GALNT14: variants seen among roughly 807,000 people sequenced by gnomAD.
GALNT14 encodes the protein polypeptide N-acetylgalactosaminyltransferase 14, also known as UDP-GalNAc:polypeptide N-acetylgalactosaminyltransferase 14.
In GALNT14, 60 loss-of-function variants were observed where a neutral mutation model predicts 77.5. That is an observed-to-expected ratio of 0.77 (90% confidence interval 0.63 to 0.96). GALNT14 has a LOEUF of 0.96. Among genes scored for constraint, GALNT14 ranks in the 40% least tolerant of loss-of-function variants. GALNT14 has a pLI of 0.00. For synonymous variants in GALNT14, 280 were observed against 281.7 expected (o/e 0.99, Z 0.06); for missense variants, 710 against 731.0 (o/e 0.97, Z 0.33).
At chr2:31,043,474 A>T (rs1038600609) in intron 1 of GALNT14, among the ~76,000 whole-genome samples, 1 of 152,226 alleles carries the variant, frequency 6.6e-6, no homozygotes, top group Admixed American at 6.5e-5. Context: ...GTGAAGAAGA[A>T]ACAGTGTAGA....
At chr2:30,943,433 C>A (rs180800208) in intron 8 of GALNT14, among the ~76,000 whole-genome samples, 5 of 152,324 alleles carry the variant, frequency 3.3e-5, no homozygotes, top group African/African-American at 1.2e-4. Context: ...TGATGGACAG[C>A]TGGTCAGAAG....
At chr2:31,035,584 T>TGTATAC (rs1553363679) in intron 1 of GALNT14, among the ~76,000 whole-genome samples, 6 of 139,470 alleles carry the variant, frequency 4.3e-5, no homozygotes, top group African/African-American at 1.7e-4. Context: ...TGTGTGTGTG[T>TGTATAC]GTATACATAT....
chr2:30,948,550 G>T (rs1254874545), intron 6 of GALNT14, among the ~76,000 whole-genome samples: 1 of 152,170 alleles, frequency 6.6e-6, no homozygotes, highest in Non-Finnish European at 1.5e-5. Flanking sequence ...GAGGCTTGCG[G>T]GGAGCTTTAC....
At chr2:31,048,000 TC>T (rs1249980980) in intron 1 of GALNT14, among the ~76,000 whole-genome samples, 4 of 152,328 alleles carry the variant, frequency 2.6e-5, no homozygotes, top group African/African-American at 9.6e-5. Context: ...AAGCACCAGT[TC>T]CCTGGGACTC....
intron 13 of GALNT14, among the ~76,000 whole-genome samples, chr2:30,922,737 C>T (rs1398874202): frequency 1.1e-4 from 17 of 152,270 alleles, no homozygotes; most frequent in Non-Finnish European, 2.5e-4. Flanking sequence ...ACAGAGATTA[C>T]ATCATACTAC....
chr2:30,942,143 C>T (rs958877983), intron 9 of GALNT14, 58 bp downstream of exon 9: 16 of 1,287,704 alleles, frequency 1.2e-5, no homozygotes, highest in African/African-American at 2.9e-5. Context: ...GAGGTCCCCG[C>T]CCCAATCCCC....
chr2:30,931,931 G>C, intron 10 of GALNT14, 137 bp downstream of exon 10: 4 of 807,690 alleles, frequency 5.0e-6, no homozygotes, highest in Non-Finnish European at 6.8e-6. Context: ...TGGGTAGTAC[G>C]AGGTGCAGCC....
At chr2:30,924,542 C>T (rs1665240687) in intron 12 of GALNT14, among the ~76,000 whole-genome samples, 198 bp downstream of exon 12, 1 of 152,194 alleles carries the variant, frequency 6.6e-6, no homozygotes, top group African/African-American at 2.4e-5. Context: ...TACTGGCTAA[C>T]TGTAATCCTT....
rs373705556 is a variant in GALNT14, at chr2:30,920,172, A to C, written c.1380+3947T>G. Among the ~76,000 whole-genome samples, 599 of 152,236 alleles carry C rather than the reference A, an allele frequency of 3.9e-3. 9 individuals are homozygous for C. The highest frequency in any genetic ancestry group is 0.032 in the South Asian group (152 of 4,820). ...CAGCATCAGCAAGAGCAGAGCTATG[A>C]TATGCGGCCAGATTCTCCAAATCCA... On this transcript the variant is annotated intron_variant, in intron 13 of 14. Coordinates refer to ENST00000349752, the MANE Select transcript of GALNT14 (RefSeq NM_024572.4).
At chr2:30,975,128 G>A (rs1297139952) in intron 2 of GALNT14, among the ~76,000 whole-genome samples, 1 of 152,222 alleles carries the variant, frequency 6.6e-6, no homozygotes, top group Non-Finnish European at 1.5e-5. Context: ...GCGATAAGAA[G>A]CCTTGGGCTA....
intron 3 of GALNT14, among the ~76,000 whole-genome samples, chr2:30,961,498 C>A (rs926643468): frequency 6.6e-6 from 1 of 152,112 alleles, no homozygotes; most frequent in Non-Finnish European, 1.5e-5. Context: ...AGGAGCTCAC[C>A]ATGCCTGGCA....
intron 9 of GALNT14, among the ~76,000 whole-genome samples, chr2:30,933,232 G>C (rs191850184): frequency 1.2e-4 from 18 of 152,136 alleles, no homozygotes; most frequent in Non-Finnish European, 2.2e-4. Context: ...TGACCACAGC[G>C]AGGGCAGGCT....
intron 1 of GALNT14, among the ~76,000 whole-genome samples, chr2:31,090,647 A>G (rs1038929977): frequency 9.9e-5 from 15 of 151,684 alleles, no homozygotes; most frequent in African/African-American, 3.4e-4. Context: ...ATACCTGGCT[A>G]ATTTTTGTAT....
At chr2:31,025,336 G>T (rs76848050) in intron 1 of GALNT14, among the ~76,000 whole-genome samples, 99 of 152,260 alleles carry the variant, frequency 6.5e-4, no homozygotes, top group Admixed American at 1.2e-3. Flanking sequence ...AGACCCATGA[G>T]CAGGGTCTGG....
At chr2:30,942,329 G>A (rs1228953678) in intron 8 of GALNT14, 25 bp from the exon 9 acceptor site, 4 of 1,564,254 alleles carry the variant, frequency 2.6e-6, no homozygotes, top group Non-Finnish European at 3.5e-6. Flanking sequence ...GAAAAAGAGA[G>A]GGGATCAGTT....
intron 9 of GALNT14, among the ~76,000 whole-genome samples, chr2:30,941,420 A>C (rs1257996666): frequency 6.6e-6 from 1 of 152,224 alleles, no homozygotes; most frequent in Admixed American, 6.5e-5. Context: ...CATGGTGCCA[A>C]GATTTTACAC....
Position 31,050,008 on chromosome 2 carries a change from G to A in GALNT14, c.130-57001C>T, listed in dbSNP as rs1031983736. Among the ~76,000 whole-genome samples the A allele has an allele frequency of 5.3e-5, 8 of 152,260 alleles. No homozygotes were observed. In the East Asian group the frequency reaches 1.2e-3, roughly 22 times the overall value. On this transcript the variant is annotated intron_variant, in intron 1 of 14. Coordinates refer to ENST00000349752, the MANE Select transcript of GALNT14 (RefSeq NM_024572.4). ...ACAGAAAATAAATACAATGGGCAGC[G>A]ATGGGGACGTGTGGGTTCCCAGATT...
intron 1 of GALNT14, among the ~76,000 whole-genome samples, chr2:31,048,931 G>A (rs1263641942): frequency 6.6e-6 from 1 of 152,126 alleles, no homozygotes; most frequent in South Asian, 2.1e-4. Context: ...ACAGGTGCCC[G>A]TCACTGGCCA....
intron 1 of GALNT14, among the ~76,000 whole-genome samples, chr2:31,050,631 C>T (rs1420610046): frequency 1.3e-5 from 2 of 152,144 alleles, no homozygotes; most frequent in Admixed American, 1.3e-4. Context: ...AGCATCTGTG[C>T]TGGTGTTTTA....
Sources: gnomAD v4.1 joint callset for allele counts (sites outside exome capture counted in the v4.1 genomes callset) on GRCh38, gnomAD v4.1.1 for gene constraint, MANE v1.5 for transcripts, NCBI Gene and HGNC (gene_info 2026-07-23, HGNC 2026-07-21) for gene names.